CDH18: variants seen among roughly 807,000 people sequenced by gnomAD.
The protein encoded by CDH18 is cadherin-18.
Under a neutral mutation model 67.9 loss-of-function variants are expected in CDH18, and 31 were observed. The observed-to-expected ratio is 0.46, with a 90% confidence interval of 0.34 to 0.62. The LOEUF is 0.62. Ranked by LOEUF, CDH18 falls within the 20% of genes least tolerant of loss-of-function variation. CDH18 has a pLI of 0.01. For synonymous variants in CDH18, 362 were observed against 347.2 expected (o/e 1.04, Z -0.48); for missense variants, 890 against 975.5 (o/e 0.91, Z 1.17).
intron 2 of CDH18, among the ~76,000 whole-genome samples, chr5:19,890,913 A>C (rs1206124041): frequency 6.6e-6 from 1 of 152,168 alleles, no homozygotes; most frequent in African/African-American, 2.4e-5. Context: ...CCAATTTAAA[A>C]CCAGTTTCTG....
intron 3 of CDH18, among the ~76,000 whole-genome samples, chr5:19,820,138 A>G (rs1390920492): frequency 6.6e-6 from 1 of 152,056 alleles, no homozygotes; most frequent in Non-Finnish European, 1.5e-5. Flanking sequence ...ATTGAAACCA[A>G]TGTCTGATGT....
intron 11 of CDH18, among the ~76,000 whole-genome samples, chr5:19,485,901 G>A (rs1740322913): frequency 7.0e-6 from 1 of 141,876 alleles, no homozygotes; most frequent in South Asian, 2.3e-4. Flanking sequence ...CATGGCTCAG[G>A]CCTAGCATAC....
At chr5:20,102,313 T>G (rs935078731) in intron 2 of CDH18, among the ~76,000 whole-genome samples, 4 of 152,038 alleles carry the variant, frequency 2.6e-5, no homozygotes, top group Non-Finnish European at 5.9e-5. Context: ...GACAGTGAAG[T>G]ACATATTCTG....
At chr5:19,673,242 TA>T (rs1758996816) in intron 5 of CDH18, among the ~76,000 whole-genome samples, 1 of 152,086 alleles carries the variant, frequency 6.6e-6, no homozygotes, top group Non-Finnish European at 1.5e-5. Flanking sequence ...CATCAGAAAC[TA>T]AACTATTGAC....
intron 1 of CDH18, among the ~76,000 whole-genome samples, chr5:20,307,312 G>A (rs1288826493): frequency 2.0e-5 from 3 of 152,000 alleles, no homozygotes; most frequent in South Asian, 2.1e-4. Flanking sequence ...TTGGGCTTTA[G>A]CATTGAGAAT....
intron 1 of CDH18, among the ~76,000 whole-genome samples, chr5:20,412,388 A>C (rs1197133754): frequency 1.3e-5 from 2 of 152,258 alleles, no homozygotes; most frequent in African/African-American, 4.8e-5. Flanking sequence ...TAAAGTCCTC[A>C]AACTATAAAA....
At chr5:19,587,978 A>G (rs1252240481) in intron 7 of CDH18, among the ~76,000 whole-genome samples, 2 of 151,928 alleles carry the variant, frequency 1.3e-5, no homozygotes, top group African/African-American at 4.8e-5. Context: ...AGTGGTTTGT[A>G]GTTCTTCTTG....
At chr5:19,798,774 T>C (rs565313177) in intron 3 of CDH18, among the ~76,000 whole-genome samples, 2 of 152,172 alleles carry the variant, frequency 1.3e-5, no homozygotes, top group South Asian at 2.1e-4. Context: ...CAAATATTGA[T>C]TAAAATATAT....
chr5:19,661,416 T>C (rs890662574), intron 5 of CDH18, among the ~76,000 whole-genome samples: 1 of 151,982 alleles, frequency 6.6e-6, no homozygotes, highest in African/African-American at 2.4e-5. Context: ...TACAATATGT[T>C]AAATATATAA....
intron 11 of CDH18, among the ~76,000 whole-genome samples, chr5:19,489,459 G>A (rs752083877): frequency 1.3e-5 from 2 of 151,898 alleles, no homozygotes; most frequent in South Asian, 2.1e-4. Flanking sequence ...ATGTTGGCCA[G>A]GCTGGTCTCA....
chr5:19,631,705 T>C (rs1752442356), intron 5 of CDH18, among the ~76,000 whole-genome samples: 1 of 152,140 alleles, frequency 6.6e-6, no homozygotes, highest in African/African-American at 2.4e-5. Flanking sequence ...CATCACCCAA[T>C]AACTACATTT....
At position 20,005,415 on chromosome 5, in the gene CDH18, TACACACACACACACACACAC is replaced by T. The variant is rs3065076; in HGVS notation, c.-517-13421_-517-13402del. The stretch of plus-strand genomic sequence containing the variant: ...TATAAACAAAGTATATATATATATG[TACACACACACACACACACAC>T]ACACACACACACACTTTCCATGAAT... On this transcript the variant is annotated intron_variant, in intron 2 of 14. Transcript: ENST00000507958. 2.0e-5 allele frequency among the ~76,000 whole-genome samples: 3 copies of T among 147,100 alleles called. No individual in the cohort carries two copies. In the East Asian group the frequency reaches 6.0e-4, roughly 29 times the overall value.
intron 1 of CDH18, among the ~76,000 whole-genome samples, chr5:20,336,983 C>A (rs151048811): frequency 2.0e-5 from 3 of 152,204 alleles, no homozygotes; most frequent in African/African-American, 7.2e-5. Flanking sequence ...AGATGCAACA[C>A]CCCTAGGAGG....
intron 2 of CDH18, among the ~76,000 whole-genome samples, chr5:20,047,969 C>T (rs968153468): frequency 6.6e-6 from 1 of 151,676 alleles, no homozygotes; most frequent in Non-Finnish European, 1.5e-5. Context: ...GACTTCAATG[C>T]ATAATTTATG....
intron 2 of CDH18, among the ~76,000 whole-genome samples, chr5:20,129,229 C>A (rs1749068574): frequency 6.6e-6 from 1 of 151,862 alleles, no homozygotes; most frequent in Non-Finnish European, 1.5e-5. Context: ...AAAATATAGA[C>A]CCAATATAAA....
chr5:20,081,830 C>T (rs1561775178), intron 2 of CDH18, among the ~76,000 whole-genome samples: 2 of 152,056 alleles, frequency 1.3e-5, no homozygotes, highest in Admixed American at 6.6e-5. Flanking sequence ...GAACAAACAA[C>T]CACCTATTGG....
intron 1 of CDH18, among the ~76,000 whole-genome samples, chr5:20,352,006 ACCTAAACTC>A (rs915167675): frequency 1.3e-5 from 2 of 152,192 alleles, no homozygotes; most frequent in Non-Finnish European, 2.9e-5. Flanking sequence ...TAACCAGGTA[ACCTAAACTC>A]AAAGTAAGCT....
chr5:19,930,178 G>C (rs987545547), intron 2 of CDH18, among the ~76,000 whole-genome samples: 1 of 151,952 alleles, frequency 6.6e-6, no homozygotes. Context: ...ACAAAGGGAG[G>C]ATAAGTGACA....
intron 1 of CDH18, among the ~76,000 whole-genome samples, chr5:20,456,865 A>G (rs1011177209): frequency 2.6e-5 from 4 of 152,186 alleles, no homozygotes; most frequent in Admixed American, 2.6e-4. Flanking sequence ...TGCTACTTTT[A>G]TTGTAAATTA....
Sources: allele counts gnomAD v4.1 joint callset (sites outside exome capture counted in the v4.1 genomes callset), GRCh38; gene constraint gnomAD v4.1.1; transcripts MANE v1.5; gene names NCBI Gene and HGNC (gene_info 2026-07-23, HGNC 2026-07-21).